Variants in IVNS1ABP observed in about 807,000 individuals in gnomAD.
IVNS1ABP encodes influenza virus NS1A binding protein.
A neutral mutation model predicts 78.9 loss-of-function variants in IVNS1ABP; 25 were observed. The ratio of observed to expected loss-of-function variants is 0.32; its 90% confidence interval spans 0.23 to 0.44. The LOEUF (loss-of-function observed/expected upper bound fraction) is 0.44, where lower values mean the gene tolerates loss of function less well. Ranked by LOEUF, IVNS1ABP falls within the 20% of genes least tolerant of loss-of-function variation. IVNS1ABP has a pLI of 1.00. For missense variants in IVNS1ABP, 494 were observed against 768.9 expected (o/e 0.64, Z 4.23); for synonymous variants, 241 against 259.7 (o/e 0.93, Z 0.69).
chr1:185,305,682 A>G lies in IVNS1ABP; in HGVS notation c.658-39T>C. ...ACAGAACACCCATGTGGCTACGGTC[A>G]CCATGGCTACTCCACTAGTATGCAG... On this transcript the variant is annotated intron_variant, in intron 7 of 14. Coordinates refer to ENST00000367498, the MANE Select transcript of IVNS1ABP (RefSeq NM_006469.5). The surrounding 1 kb of genome is among the most constrained non-coding windows in gnomAD (Gnocchi z 4.0). 1 of 1,609,544 alleles carries G rather than the reference A, an allele frequency of 6.2e-7. No individual in the cohort carries two copies. Among genetic ancestry groups the G allele is most frequent in the Non-Finnish European group, 8.5e-7 (1 of 1,177,666 alleles).
chr1:185,306,225 A>G (rs534009530), intron 7 of IVNS1ABP: 1 of 209,818 alleles, frequency 4.8e-6, no homozygotes, highest in Non-Finnish European at 9.8e-6. Context: ...TTAGACCATA[A>G]TGATGACAGT....
At chr1:185,307,729 G>A (rs931438779) in intron 5 of IVNS1ABP, 67 bp from the exon 6 acceptor site, 3 of 1,475,154 alleles carry the variant, frequency 2.0e-6, no homozygotes, top group Non-Finnish European at 2.8e-6. Context: ...TTAATGTTCA[G>A]TGTGGTAAAG....
At position 185,309,401 on chromosome 1, in the gene IVNS1ABP, G is replaced by A; in HGVS notation, c.93C>T (p.Phe31=). ...TAAATACCTGAAGTCGAACATCACA[G>A]AACTGGCCACTTTTCCTCAGGGCAT... ...KLNALRKSGQ[F]CDVRLQVCGH... Residue 31 remains phenylalanine (F), a synonymous_variant, in exon 3 of 15, where the codon TTC becomes TTT. Coordinates refer to ENST00000367498, the MANE Select transcript of IVNS1ABP (RefSeq NM_006469.5). 6.2e-7 allele frequency: 1 copy of A among 1,609,480 alleles called. No homozygotes were observed. Among genetic ancestry groups the A allele is most frequent in the South Asian group, 1.1e-5 (1 of 90,632 alleles).
intron 2 of IVNS1ABP, 79 bp from the exon 3 acceptor site, chr1:185,309,590 T>C (rs1197729061): frequency 9.8e-6 from 7 of 712,860 alleles, no homozygotes; most frequent in Non-Finnish European, 1.5e-5. Flanking sequence ...AGTAATACAG[T>C]CTCTTTATTC....
chr1:185,300,210 T>C lies in IVNS1ABP; in HGVS notation c.1369+7A>G. 6.2e-7 allele frequency: 1 copy of C among 1,612,658 alleles called. No homozygotes were observed. Among genetic ancestry groups the C allele is most frequent in the Non-Finnish European group, 8.5e-7 (1 of 1,179,264 alleles). On this transcript the variant is annotated splice_region_variant and intron_variant, in intron 12 of 14. Coordinates refer to ENST00000367498, the MANE Select transcript of IVNS1ABP (RefSeq NM_006469.5). ...TACTGGATATCTCAGGAGAAAACTATTATTACCTGCATTACAACGGTTAGT... is the reference window on the plus strand; with the variant it reads ...TACTGGATATCTCAGGAGAAAACTACTATTACCTGCATTACAACGGTTAGT...
chr1:185,313,822 G>A lies in IVNS1ABP; in HGVS notation c.-246-2500C>T, dbSNP rs868616556. On this transcript the variant is annotated intron_variant, in intron 1 of 14. Transcript: ENST00000367498. ...CTTACACATTTAAAATTAAAACTAG[G>A]ATCAAATACAATATATTCAGATAAA... is the stretch of plus-strand genomic sequence containing the variant. 2.4e-4 allele frequency among the ~76,000 whole-genome samples: 37 copies of A among 152,154 alleles called. No homozygotes were observed. The Middle Eastern group carries it at 0.02, about 84-fold the overall frequency.
Position 185,301,199 on chromosome 1 carries a change from G to T in IVNS1ABP, c.896-3C>A. 1 of 1,608,330 alleles carries T rather than the reference G, an allele frequency of 6.2e-7. No individual in the cohort carries two copies. The highest frequency in any genetic ancestry group is 8.5e-7 in the Non-Finnish European group (1 of 1,175,334). ...AGCCAGGCACAAGTAAGTGTTATCT[G>T]TAAGCACAAGAGTTCCATGTTTAAG... On this transcript the variant is annotated splice_polypyrimidine_tract_variant and splice_region_variant and intron_variant, in intron 9 of 14. Coordinates refer to ENST00000367498, the MANE Select transcript of IVNS1ABP (RefSeq NM_006469.5).
At chr1:185,306,890 G>A in intron 7 of IVNS1ABP, 124 bp downstream of exon 7, 1 of 1,063,780 alleles carries the variant, frequency 9.4e-7, no homozygotes, top group Non-Finnish European at 1.4e-6. Context: ...CAGCTTAGGG[G>A]TACCTATAGC....
In IVNS1ABP at chr1:185,300,185, T is replaced by C. The variant is rs558933854; in HGVS notation, c.1369+32A>G. ...TGATAATTTAATTATCATATTTAAA[T>C]ACTGGATATCTCAGGAGAAAACTAT... is the stretch of plus-strand genomic sequence containing the variant. On this transcript the variant is annotated intron_variant, in intron 12 of 14. Transcript: ENST00000367498. 1.9e-5 allele frequency: 30 copies of C among 1,608,456 alleles called. No individual in the cohort carries two copies. The Admixed American group carries it at 3.2e-4, about 17-fold the overall frequency.
At chr1:185,304,942 G>C (rs1345931496) in intron 8 of IVNS1ABP, among the ~76,000 whole-genome samples, 1 of 152,012 alleles carries the variant, frequency 6.6e-6, no homozygotes, top group African/African-American at 2.4e-5. Flanking sequence ...TTACTCATAG[G>C]GGAAAAATGA....
chr1:185,301,972 CCTAA>C (rs1182631226), intron 8 of IVNS1ABP, among the ~76,000 whole-genome samples: 1 of 151,974 alleles, frequency 6.6e-6, no homozygotes, highest in Non-Finnish European at 1.5e-5. Context: ...AATTGTCAAA[CCTAA>C]CTAAATCATA....
intron 1 of IVNS1ABP, among the ~76,000 whole-genome samples, chr1:185,315,226 AG>A (rs1665984519): frequency 1.3e-5 from 2 of 152,254 alleles, no homozygotes; most frequent in Admixed American, 1.3e-4. Flanking sequence ...CTTCCTTAAC[AG>A]GAAAACATTT....
intron 7 of IVNS1ABP, chr1:185,306,789 C>T (rs1665750198): frequency 1.5e-6 from 1 of 669,696 alleles, no homozygotes; most frequent in African/African-American, 1.9e-5. Flanking sequence ...AGAAAGTTAA[C>T]AGCACATAAT....
intron 1 of IVNS1ABP, 139 bp from the exon 2 acceptor site, chr1:185,311,461 A>C (rs887917191): frequency 2.7e-6 from 1 of 369,854 alleles, no homozygotes; most frequent in African/African-American, 2.1e-5. Context: ...CATTACATAA[A>C]AAAAGAACAC....
rs1268685184 is a variant in IVNS1ABP, at chr1:185,296,547, C to T, written c.*1488G>A. 3 of 152,054 alleles carry T rather than the reference C, an allele frequency of 2.0e-5. No individual in the cohort carries two copies. Among genetic ancestry groups the T allele is most frequent in the Admixed American group, 1.3e-4 (2 of 15,250 alleles). 9.4% of individuals were successfully genotyped at this position (152,054 alleles called of 1,614,324 possible). On this transcript the variant is annotated 3_prime_UTR_variant, in exon 15 of 15. Coordinates refer to ENST00000367498, the MANE Select transcript of IVNS1ABP (RefSeq NM_006469.5). ...TGATAGTTAGGAATTACAGAGTTAC[C>T]AACCAAACTGATTTGCTTTCCTGGT...
intron 8 of IVNS1ABP, 48 bp from the exon 9 acceptor site, chr1:185,301,611 T>G: frequency 6.2e-7 from 1 of 1,607,214 alleles, no homozygotes; most frequent in African/African-American, 1.3e-5. Context: ...AGACCACATC[T>G]GATGTACCTT....
rs528392992 is a variant in IVNS1ABP, at chr1:185,306,935, T to TA, written c.657+78dup. 441 of 1,498,666 alleles carry TA rather than the reference T, an allele frequency of 2.9e-4. 1 individual carries two copies. The Middle Eastern group carries it at 7.8e-3, about 26-fold the overall frequency. 92.8% of individuals were successfully genotyped at this position (1,498,666 alleles called of 1,614,324 possible). A position where few individuals can be genotyped will look rare whatever the true frequency, so the allele number is the denominator to read the frequency against. On this transcript the variant is annotated intron_variant, in intron 7 of 14. Coordinates refer to ENST00000367498, the MANE Select transcript of IVNS1ABP (RefSeq NM_006469.5). Reference sequence around the variant, plus strand: ...ATTCTTTAGGGTCATGGTTATAAAATAAAAGTGAAAGGGAATCCTTCATGT... The same window carrying TA: ...ATTCTTTAGGGTCATGGTTATAAAATAAAAAGTGAAAGGGAATCCTTCATGT...
At chr1:185,299,111 A>G (rs2102811473) in intron 14 of IVNS1ABP, 1 of 153,722 alleles carries the variant, frequency 6.5e-6, no homozygotes, top group South Asian at 2.0e-4. Context: ...CTAGGCCAAC[A>G]GGCTGTGTCT....
At chr1:185,314,528 T>C (rs1170045229) in intron 1 of IVNS1ABP, among the ~76,000 whole-genome samples, 1 of 152,146 alleles carries the variant, frequency 6.6e-6, no homozygotes, top group Non-Finnish European at 1.5e-5. Flanking sequence ...ATGCATATGG[T>C]AATAGTGGGC....
Sources: allele counts gnomAD v4.1 joint callset (sites outside exome capture counted in the v4.1 genomes callset), GRCh38; gene constraint gnomAD v4.1.1; non-coding constraint Gnocchi (gnomAD v3.1); transcripts MANE v1.5; gene names NCBI Gene and HGNC (gene_info 2026-07-23, HGNC 2026-07-21).